Variants in VPS53 observed in about 807,000 individuals in gnomAD.
VPS53 encodes the protein VPS53 subunit of GARP complex.
Under a neutral mutation model 107.0 loss-of-function variants are expected in VPS53, and 70 were observed. The observed-to-expected ratio is 0.65, with a 90% CI of 0.54 to 0.80. The LOEUF (loss-of-function observed/expected upper bound fraction) is 0.80. Among genes scored for constraint, VPS53 ranks in the 30% least tolerant of loss-of-function variants. VPS53 has a pLI of 0.00. For synonymous variants in VPS53, 409 were observed against 393.3 expected, an observed-to-expected ratio of 1.04 and a Z score of -0.47; for missense variants, 917 against 1,049.4, an observed-to-expected ratio of 0.87 and a Z score of 1.74.
At chr17:604,348 T>C (rs1800137930) in intron 11 of VPS53, among the ~76,000 whole-genome samples, 2 of 152,162 alleles carry the variant, frequency 1.3e-5, no homozygotes, top group African/African-American at 4.8e-5. Flanking sequence ...AAGTCGAGCC[T>C]ACTCTCGCTG....
rs181997596 is a variant in VPS53, at chr17:661,236, T to C, written c.372+573A>G. On this transcript the variant is annotated intron_variant, in intron 5 of 21. Transcript: ENST00000437048. ...TTTTCAGAAAGGAGAAAAAAAAAAG[T>C]TGCAGCTGGGCACAGTGGCTCACAC... is the stretch of plus-strand genomic sequence containing the variant. Among the ~76,000 whole-genome samples, 122 of 151,120 alleles carry C rather than the reference T, an allele frequency of 8.1e-4. 1 individual carries two copies. The East Asian group carries it at 0.014, about 17-fold the overall frequency.
rs369213981 is a variant in VPS53 at position 532,897 on chromosome 17, T to C, written c.2030A>G (p.Lys677Arg). 3.3e-5 allele frequency: 54 copies of C among 1,613,906 alleles called. No homozygotes were observed. The African/African-American group carries it at 5.6e-4, about 17-fold the overall frequency. ...CVKFANSFIP[K>R]FITHLFKCKP... ...GCACTTGAAGAGGTGGGTGATGAATTTGGGAATGAAGGAGCTGTGGATAAA... is the reference window on the plus strand; with the variant it reads ...GCACTTGAAGAGGTGGGTGATGAATCTGGGAATGAAGGAGCTGTGGATAAA... Residue 677 changes from lysine (K) to arginine (R), a missense_variant, in exon 19 of 22, where the codon AAA becomes AGA. Transcript: ENST00000437048.
At chr17:544,670 T>C (rs1911044022) in intron 17 of VPS53, among the ~76,000 whole-genome samples, 1 of 152,208 alleles carries the variant, frequency 6.6e-6, no homozygotes, top group Non-Finnish European at 1.5e-5. Flanking sequence ...AAAGGGGAAA[T>C]AGCATAGCCA....
chr17:537,443 C>T (rs1910182040), intron 17 of VPS53: 1 of 374,486 alleles, frequency 2.7e-6, no homozygotes. Context: ...AAACAGCCTT[C>T]CCTTCTCAGC....
At chr17:523,638 G>A (rs1184062010) in intron 19 of VPS53, among the ~76,000 whole-genome samples, 1 of 152,172 alleles carries the variant, frequency 6.6e-6, no homozygotes, top group East Asian at 1.9e-4. Context: ...ATTTAGGTGT[G>A]GTAAGGAATT....
chr17:617,464 CAAT>C, intron 11 of VPS53, among the ~76,000 whole-genome samples: 1 of 152,230 alleles, frequency 6.6e-6, no homozygotes, highest in Non-Finnish European at 1.5e-5. Context: ...TGCAGTGGTG[CAAT>C]CTCAGTTCAT....
intron 2 of VPS53, among the ~76,000 whole-genome samples, chr17:708,096 C>T (rs999644365): frequency 6.6e-6 from 1 of 152,088 alleles, no homozygotes; most frequent in Non-Finnish European, 1.5e-5. Flanking sequence ...GTTTTCTCTT[C>T]GTGTGCGGAG....
At chr17:690,721 T>C (rs1000979887) in intron 4 of VPS53, among the ~76,000 whole-genome samples, 5 of 150,814 alleles carry the variant, frequency 3.3e-5, no homozygotes, top group Admixed American at 1.3e-4. Flanking sequence ...GGAAGAATAG[T>C]GTCTAAAATA....
rs531201905 is a variant in VPS53 at position 697,708 on chromosome 17, GC to G, written c.219-225del. Among the ~76,000 whole-genome samples the G allele has an allele frequency of 7.5e-4, 114 of 152,320 alleles. 1 individual carries two copies. Among genetic ancestry groups the G allele is most frequent in the Middle Eastern group, 6.8e-3 (2 of 294 alleles). ...GATGCATCGCCTTGTTGTTAAAAAT[GC>G]CTATTTTCACTTAATAGTCAGAGCT... is the stretch of plus-strand genomic sequence containing the variant. On this transcript the variant is annotated intron_variant, in intron 3 of 21. Transcript: ENST00000437048.
chr17:593,441 T>C (rs1291492092), intron 12 of VPS53, among the ~76,000 whole-genome samples: 3 of 151,814 alleles, frequency 2.0e-5, no homozygotes, highest in African/African-American at 7.3e-5. Flanking sequence ...GAATCTACAA[T>C]GAACTCAAAC....
At chr17:530,813 T>C (rs1909482332) in intron 19 of VPS53, among the ~76,000 whole-genome samples, 2 of 152,194 alleles carry the variant, frequency 1.3e-5, no homozygotes, top group African/African-American at 4.8e-5. Context: ...CCACGTGCCC[T>C]TGCAATTGCT....
chr17:701,248 C>G (rs970391081), intron 2 of VPS53, among the ~76,000 whole-genome samples: 4 of 151,980 alleles, frequency 2.6e-5, no homozygotes, highest in Non-Finnish European at 1.5e-5. Flanking sequence ...ATCACCTGAG[C>G]CCAGAAGGTC....
chr17:698,675 C>T (rs952414007), intron 3 of VPS53, among the ~76,000 whole-genome samples: 1 of 151,234 alleles, frequency 6.6e-6, no homozygotes, highest in Admixed American at 6.6e-5. Flanking sequence ...TACGCTCCAG[C>T]CTGGGACACA....
chr17:591,957 C>T (rs12603842), intron 12 of VPS53, among the ~76,000 whole-genome samples: 2 of 152,142 alleles, frequency 1.3e-5, no homozygotes, highest in Non-Finnish European at 2.9e-5. Context: ...TGTTGACTTT[C>T]TGTCTCATTG....
intron 17 of VPS53, among the ~76,000 whole-genome samples, chr17:548,783 G>C (rs532437566): frequency 2.6e-5 from 4 of 152,212 alleles, no homozygotes; most frequent in Non-Finnish European, 1.5e-5. Flanking sequence ...GAATGAGATT[G>C]GCAGTTTGAA....
intron 19 of VPS53, chr17:522,922 C>T (rs553527584): frequency 6.6e-6 from 1 of 152,332 alleles, no homozygotes; most frequent in South Asian, 2.1e-4. Flanking sequence ...ATTAACAGCT[C>T]ACCAAACTCA....
intron 19 of VPS53, among the ~76,000 whole-genome samples, chr17:529,426 C>CA: frequency 7.0e-6 from 1 of 143,034 alleles, no homozygotes; most frequent in Non-Finnish European, 1.6e-5. Flanking sequence ...ACACACACCC[C>CA]TGCTGGGATT....
At chr17:699,690 C>T (rs1333411464) in intron 2 of VPS53, among the ~76,000 whole-genome samples, 1 of 152,200 alleles carries the variant, frequency 6.6e-6, no homozygotes, top group Non-Finnish European at 1.5e-5. Flanking sequence ...TGTACAGCCA[C>T]AAAGCCTGAA....
rs146835404 is a variant in VPS53, at chr17:692,340, GC to G, written c.285+5077del. Among the ~76,000 whole-genome samples, 1,509 of 152,208 alleles carry G rather than the reference GC, an allele frequency of 9.9e-3. 25 individuals are homozygous for G. Among genetic ancestry groups the G allele is most frequent in the African/African-American group, 0.034 (1,411 of 41,512 alleles). ...TTTTAAACGTGGGCATTTAATTAAA[GC>G]TTTTGACTGATGATTTCAACAGATA... is the stretch of plus-strand genomic sequence containing the variant. On this transcript the variant is annotated intron_variant, in intron 4 of 21. Transcript: ENST00000437048.
Sources: gnomAD v4.1 joint callset for allele counts (sites outside exome capture counted in the v4.1 genomes callset) on GRCh38, gnomAD v4.1.1 for gene constraint, MANE v1.5 for transcripts, NCBI Gene and HGNC (gene_info 2026-07-23, HGNC 2026-07-21) for gene names.